The following NSD3 variants were observed in gnomAD, a reference collection of about 807,000 sequenced individuals.
NSD3 encodes histone-lysine N-methyltransferase NSD3.
A neutral mutation model predicts 160.8 loss-of-function variants in NSD3; 24 were observed. The ratio of observed to expected loss-of-function variants is 0.15; its 90% CI spans 0.11 to 0.21. The LOEUF (loss-of-function observed/expected upper bound fraction) is 0.21. NSD3 is among the 10% of genes least tolerant of loss of function. The probability of loss-of-function intolerance (pLI) is 1.00; values close to 1 mark genes in which losing one functional copy is unlikely to be tolerated. For missense variants in NSD3, 1,157 were observed against 1,735.9 expected, an observed-to-expected ratio of 0.67 and a Z score of 5.93; for synonymous variants, 520 against 600.0, an observed-to-expected ratio of 0.87 and a Z score of 1.95.
At chr8:38,344,874 A>G (rs1327827332) in intron 2 of NSD3, among the ~76,000 whole-genome samples, 2 of 152,190 alleles carry the variant, frequency 1.3e-5, no homozygotes, top group Non-Finnish European at 2.9e-5. Flanking sequence ...TGGGACCCCT[A>G]TGGACAACCA....
chr8:38,373,521 A>C (rs186560748), intron 1 of NSD3, among the ~76,000 whole-genome samples: 1 of 152,298 alleles, frequency 6.6e-6, no homozygotes, highest in Non-Finnish European at 1.5e-5. Flanking sequence ...TGTTTTTTAC[A>C]TATAGCTTTC....
intron 1 of NSD3, among the ~76,000 whole-genome samples, chr8:38,355,964 C>T (rs2150387967): frequency 6.6e-6 from 1 of 152,298 alleles, no homozygotes. Flanking sequence ...CACTCTGTTC[C>T]ACAGCATTGG....
At chr8:38,281,055 C>T (rs959574392) in intron 20 of NSD3, among the ~76,000 whole-genome samples, 3 of 152,102 alleles carry the variant, frequency 2.0e-5, no homozygotes, top group Non-Finnish European at 4.4e-5. Context: ...CATGCCCTGC[C>T]GAAAAGTTTT....
Position 38,317,378 on chromosome 8 carries a change from C to A in NSD3, c.1856-1336G>T. Reference sequence around the variant, plus strand: ...CCCAGAACACCATCACAAAATATTTCCTTGGCCTAAAAGATCACTGGATTA... The same window carrying A: ...CCCAGAACACCATCACAAAATATTTACTTGGCCTAAAAGATCACTGGATTA... On this transcript the variant is annotated intron_variant, in intron 9 of 23. Transcript: ENST00000317025. The surrounding 1 kb of genome is among the most constrained non-coding windows in gnomAD (Gnocchi z 5.3). The A allele has an allele frequency of 2.8e-6, 3 of 1,055,820 alleles. No individual in the cohort carries two copies. The highest frequency in any genetic ancestry group is 2.3e-6 in the Non-Finnish European group (2 of 873,272). The allele number at this position is 1,055,820 out of a possible 1,614,324, so 65.4% of individuals were successfully genotyped here. A position where few individuals can be genotyped will look rare whatever the true frequency, so the allele number is the denominator to read the frequency against.
intron 4 of NSD3, among the ~76,000 whole-genome samples, chr8:38,334,975 G>C (rs969847059): frequency 6.6e-6 from 1 of 150,388 alleles, no homozygotes; most frequent in African/African-American, 2.4e-5. Context: ...GGGGTACCAG[G>C]CTAGAATTTT....
chr8:38,363,639 C>CAA lies in NSD3; in HGVS notation c.-44-15426_-44-15425dup, dbSNP rs768805402. Among the ~76,000 whole-genome samples the CAA allele has an allele frequency of 7.3e-3, 349 of 47,830 alleles. 2 individuals carry two copies. Among genetic ancestry groups the CAA allele is most frequent in the African/African-American group, 8.8e-3 (109 of 12,378 alleles). The allele number at this position is 47,830 out of a possible 152,430, so 31.4% of individuals were successfully genotyped here. ...TGGGTAACAGAGTGAGACTCCGTCT[C>CAA]AAAAAAAAAAAAAAAAAAAAAAAAG... is the stretch of plus-strand genomic sequence containing the variant. On this transcript the variant is annotated intron_variant, in intron 1 of 23. Coordinates refer to ENST00000317025, the MANE Select transcript of NSD3 (RefSeq NM_023034.2).
At position 38,348,211 on chromosome 8, in the gene NSD3, C is replaced by A; in HGVS notation, c.-40G>T. 3.3e-6 allele frequency: 5 copies of A among 1,523,608 alleles called. No individual in the cohort carries two copies. The highest frequency in any genetic ancestry group is 4.4e-6 in the Non-Finnish European group (5 of 1,139,036). 94.4% of individuals were successfully genotyped at this position (1,523,608 alleles called of 1,614,324 possible). On this transcript the variant is annotated 5_prime_UTR_variant, in exon 2 of 24. Transcript: ENST00000317025. ...ATCCTTAACTTTCCCTTTCTCTCAT[C>A]GGGCCTAAAATTATAAAAGAGGGGA...
intron 14 of NSD3, among the ~76,000 whole-genome samples, chr8:38,301,238 T>C (rs1809268921): frequency 1.3e-5 from 2 of 152,246 alleles, no homozygotes; most frequent in Admixed American, 1.3e-4. Context: ...CTCAAAATGC[T>C]GGAATTACAG....
intron 23 of NSD3, among the ~76,000 whole-genome samples, 187 bp downstream of exon 23, chr8:38,276,109 A>G (rs565797697): frequency 6.6e-6 from 1 of 152,380 alleles, no homozygotes; most frequent in East Asian, 1.9e-4. Context: ...ACAGTATACA[A>G]GAAACCAATC....
In NSD3 at chr8:38,348,219, A is replaced by T. The variant is rs527571851; in HGVS notation, c.-44-4T>A. On this transcript the variant is annotated splice_polypyrimidine_tract_variant and splice_region_variant and intron_variant, in intron 1 of 23. Transcript: ENST00000317025. ...CTTTCCCTTTCTCTCATCGGGCCTA[A>T]AATTATAAAAGAGGGGATTAGAAGG... The T allele has an allele frequency of 2.6e-6, 4 of 1,516,038 alleles. No individual in the cohort carries two copies. In the East Asian group the frequency reaches 6.8e-5, roughly 26 times the overall value. The allele number at this position is 1,516,038 out of a possible 1,614,324, so 93.9% of individuals were successfully genotyped here.
chr8:38,334,777 AC>A (rs1810170027), intron 4 of NSD3, among the ~76,000 whole-genome samples: 1 of 151,994 alleles, frequency 6.6e-6, no homozygotes, highest in South Asian at 2.1e-4. Context: ...AACAAAAAAA[AC>A]AGGTGAATTT....
chr8:38,336,121 T>C (rs1390818708), intron 4 of NSD3: 1 of 152,216 alleles, frequency 6.6e-6, no homozygotes, highest in Non-Finnish European at 1.5e-5. Flanking sequence ...AAGAGATACT[T>C]TTTCCCTTCA....
chr8:38,351,378 C>G (rs1156459513), intron 1 of NSD3, among the ~76,000 whole-genome samples: 2 of 151,434 alleles, frequency 1.3e-5, no homozygotes, highest in Non-Finnish European at 2.9e-5. Context: ...GAAGAAGGAT[C>G]CTGAGGCCGG....
intron 20 of NSD3, among the ~76,000 whole-genome samples, chr8:38,281,249 C>G (rs1808725759): frequency 2.0e-5 from 3 of 152,144 alleles, no homozygotes; most frequent in African/African-American, 2.4e-5. Context: ...TATTTTCACT[C>G]ACAGTGCTGT....
rs914867379 is a variant in NSD3 at position 38,273,763 on chromosome 8, T to C, written c.*1878A>G. The C allele has an allele frequency of 1.3e-5, 2 of 152,240 alleles. No individual in the cohort carries two copies. The highest frequency in any genetic ancestry group is 3.8e-4 in the East Asian group (2 of 5,204). The allele number at this position is 152,240 out of a possible 1,614,324, so 9.4% of individuals were successfully genotyped here. ...CTTGTAGCAATTATATTTGGTGACA[T>C]GGATCGCATTTTCCATTTTGCTCTT... is the stretch of plus-strand genomic sequence containing the variant. On this transcript the variant is annotated 3_prime_UTR_variant, in exon 24 of 24. Coordinates refer to ENST00000317025, the MANE Select transcript of NSD3 (RefSeq NM_023034.2).
chr8:38,314,407 T>A (rs1809607282), intron 12 of NSD3, among the ~76,000 whole-genome samples: 1 of 152,232 alleles, frequency 6.6e-6, no homozygotes, highest in South Asian at 2.1e-4. Flanking sequence ...ACTCTTTAGA[T>A]AAAACACAAA....
rs143869524 is a variant in NSD3 at position 38,336,517 on chromosome 8, A to G, written c.910+788T>C. Among the ~76,000 whole-genome samples, 612 of 152,084 alleles carry G rather than the reference A, an allele frequency of 4.0e-3. 5 individuals are homozygous for G. Among genetic ancestry groups the G allele is most frequent in the African/African-American group, 0.014 (580 of 41,508 alleles). ...CCGATTCAAGAATGGAGTGTAGAGGAAAAAAAAGCATCCTGCAAAATTTGC... is the reference window on the plus strand; with the variant it reads ...CCGATTCAAGAATGGAGTGTAGAGGGAAAAAAAGCATCCTGCAAAATTTGC... On this transcript the variant is annotated intron_variant, in intron 4 of 23. Transcript: ENST00000317025.
chr8:38,294,985 T>C (rs1440662464), intron 16 of NSD3, among the ~76,000 whole-genome samples: 1 of 149,338 alleles, frequency 6.7e-6, no homozygotes, highest in Non-Finnish European at 1.5e-5. Context: ...CTACTAAAAA[T>C]ACAAAAAAAT....
chr8:38,270,349 T>C lies in NSD3; in HGVS notation c.*5292A>G, dbSNP rs925673363. 2.0e-5 allele frequency: 3 copies of C among 151,700 alleles called. No homozygotes were observed. The highest frequency in any genetic ancestry group is 7.3e-5 in the African/African-American group (3 of 41,242). The allele number at this position is 151,700 out of a possible 1,614,324, so 9.4% of individuals were successfully genotyped here. On this transcript the variant is annotated 3_prime_UTR_variant, in exon 24 of 24. Transcript: ENST00000317025. ...AGAACACGAGAAAATGAAAACGGAG[T>C]CTGTAGGTATCTGTGTTTGTTGTGC...
Sources: gnomAD v4.1 joint callset for allele counts (sites outside exome capture counted in the v4.1 genomes callset) on GRCh38, gnomAD v4.1.1 for gene constraint, Gnocchi (gnomAD v3.1) non-coding constraint, MANE v1.5 for transcripts, NCBI Gene and HGNC (gene_info 2026-07-23, HGNC 2026-07-21) for gene names.